The following SLC24A3 variants were observed in gnomAD, a reference collection of about 807,000 sequenced individuals.
The protein encoded by SLC24A3 is solute carrier family 24 member 3, also known as sodium/potassium/calcium exchanger 3.
In SLC24A3, 28 loss-of-function variants were observed where a neutral mutation model predicts 75.8. That is an observed-to-expected ratio of 0.37 (90% CI 0.27 to 0.51). The LOEUF is 0.51. SLC24A3 is among the 20% of genes least tolerant of loss of function. The probability of loss-of-function intolerance (pLI) is 0.94; values close to 1 mark genes in which losing one functional copy is unlikely to be tolerated. For missense variants in SLC24A3, 663 were observed against 847.8 expected (o/e 0.78, Z 2.71); for synonymous variants, 372 against 334.1 (o/e 1.11, Z -1.24).
At chr20:19,376,963 C>T (rs943984858) in intron 2 of SLC24A3, among the ~76,000 whole-genome samples, 2 of 152,146 alleles carry the variant, frequency 1.3e-5, no homozygotes, top group South Asian at 4.1e-4. Context: ...TTATGCAGTT[C>T]AGTGTTAGCA....
chr20:19,473,413 A>G (rs1987907030), intron 2 of SLC24A3, among the ~76,000 whole-genome samples: 1 of 152,254 alleles, frequency 6.6e-6, no homozygotes, highest in Non-Finnish European at 1.5e-5. Flanking sequence ...AGAGATAATA[A>G]CAATGATGAA....
At chr20:19,478,035 T>C (rs1987990603) in intron 2 of SLC24A3, among the ~76,000 whole-genome samples, 2 of 152,198 alleles carry the variant, frequency 1.3e-5, no homozygotes, top group Admixed American at 1.3e-4. Context: ...TCCTCGCTGC[T>C]AGCAAGAAGT....
At chr20:19,262,416 A>C (rs1045407942) in intron 1 of SLC24A3, among the ~76,000 whole-genome samples, 4 of 151,488 alleles carry the variant, frequency 2.6e-5, no homozygotes, top group African/African-American at 9.7e-5. Flanking sequence ...AAAAAAAAAA[A>C]AAAAAAAAAA....
intron 2 of SLC24A3, among the ~76,000 whole-genome samples, chr20:19,412,581 G>A (rs1303126071): frequency 6.7e-6 from 1 of 148,676 alleles, no homozygotes; most frequent in Non-Finnish European, 1.5e-5. Context: ...CGAGGAGAAA[G>A]GAGGGCAGGA....
intron 9 of SLC24A3, among the ~76,000 whole-genome samples, chr20:19,680,451 A>G (rs1161801435): frequency 6.6e-6 from 1 of 151,884 alleles, no homozygotes; most frequent in Non-Finnish European, 1.5e-5. Context: ...AGCCGTCAGC[A>G]TTCAGGTTCC....
intron 3 of SLC24A3, among the ~76,000 whole-genome samples, chr20:19,539,024 C>A (rs1465497691): frequency 6.6e-6 from 1 of 152,140 alleles, no homozygotes; most frequent in Admixed American, 6.5e-5. Flanking sequence ...TGTATGATCC[C>A]ACTTATATTA....
At chr20:19,259,449 C>A (rs1420446084) in intron 1 of SLC24A3, among the ~76,000 whole-genome samples, 1 of 152,166 alleles carries the variant, frequency 6.6e-6, no homozygotes, top group Admixed American at 6.5e-5. Context: ...GGACCAGAGG[C>A]CTTTAATCAT....
intron 8 of SLC24A3, 134 bp downstream of exon 8, chr20:19,666,023 A>G: frequency 1.1e-6 from 1 of 933,172 alleles, no homozygotes; most frequent in Non-Finnish European, 1.6e-6. Flanking sequence ...TTTCCTAGGA[A>G]CCCTCTGCAC....
chr20:19,325,793 TATAGAGAG>T (rs1406656587), intron 2 of SLC24A3, among the ~76,000 whole-genome samples: 178 of 82,744 alleles, frequency 2.2e-3, no homozygotes, highest in Admixed American at 7.4e-3. Context: ...TATATATATA[TATAGAGAG>T]AGAGAGAGAG....
intron 3 of SLC24A3, among the ~76,000 whole-genome samples, chr20:19,527,801 C>A (rs1004120699): frequency 1.3e-5 from 2 of 152,200 alleles, no homozygotes; most frequent in African/African-American, 2.4e-5. Flanking sequence ...CTGAGGATCA[C>A]GATGTTCTCC....
intron 2 of SLC24A3, among the ~76,000 whole-genome samples, chr20:19,371,053 C>G (rs191872229): frequency 6.6e-6 from 1 of 152,304 alleles, no homozygotes; most frequent in East Asian, 1.9e-4. Context: ...TTCCCAGAAG[C>G]AGCTCCTGAG....
chr20:19,425,008 T>A (rs1291469995), intron 2 of SLC24A3, among the ~76,000 whole-genome samples: 1 of 152,034 alleles, frequency 6.6e-6, no homozygotes, highest in Non-Finnish European at 1.5e-5. Flanking sequence ...ACATACCCGC[T>A]AATAAAAATT....
At chr20:19,325,814 AG>A (rs1984843776) in intron 2 of SLC24A3, among the ~76,000 whole-genome samples, 1 of 113,282 alleles carries the variant, frequency 8.8e-6, no homozygotes, top group Admixed American at 8.8e-5. Flanking sequence ...AGAGAGAGAG[AG>A]AGAGAGAGAG....
intron 1 of SLC24A3, among the ~76,000 whole-genome samples, chr20:19,230,985 G>A (rs558139341): frequency 8.6e-4 from 131 of 152,228 alleles, no homozygotes; most frequent in African/African-American, 3.1e-3. Context: ...AAAGCTATCC[G>A]ATATTAACTA....
chr20:19,674,778 C>A (rs920797400), intron 9 of SLC24A3, among the ~76,000 whole-genome samples: 3 of 152,192 alleles, frequency 2.0e-5, no homozygotes, highest in Non-Finnish European at 4.4e-5. Context: ...ATTTGCCAGG[C>A]GCAGTGGCTC....
chr20:19,375,563 A>G (rs896543625), intron 2 of SLC24A3, among the ~76,000 whole-genome samples: 1 of 152,182 alleles, frequency 6.6e-6, no homozygotes, highest in Non-Finnish European at 1.5e-5. Context: ...GAGTGACTGC[A>G]TTTCTTCTGC....
At chr20:19,310,305 C>G (rs1028398918) in intron 2 of SLC24A3, among the ~76,000 whole-genome samples, 1 of 152,164 alleles carries the variant, frequency 6.6e-6, no homozygotes, top group Non-Finnish European at 1.5e-5. Context: ...CAGCCCCCAC[C>G]AGGAAAATGC....
chr20:19,489,525 A>C (rs948389250), intron 2 of SLC24A3, among the ~76,000 whole-genome samples: 1 of 152,186 alleles, frequency 6.6e-6, no homozygotes, highest in Non-Finnish European at 1.5e-5. Context: ...GCAATTTGAT[A>C]AGTACTATTC....
chr20:19,285,055 C>T (rs1983774441), intron 2 of SLC24A3, among the ~76,000 whole-genome samples: 1 of 152,232 alleles, frequency 6.6e-6, no homozygotes, highest in Non-Finnish European at 1.5e-5. Flanking sequence ...GCCCTGCCTT[C>T]TCCCTTTCTC....
Sources: allele counts gnomAD v4.1 joint callset (sites outside exome capture counted in the v4.1 genomes callset), GRCh38; gene constraint gnomAD v4.1.1; transcripts MANE v1.5; gene names NCBI Gene and HGNC (gene_info 2026-07-23, HGNC 2026-07-21).